UBP1: variants seen among roughly 807,000 people sequenced by gnomAD.
The protein encoded by UBP1 is upstream binding protein 1.
UBP1 carries 22 observed loss-of-function variants against 76.1 expected under a neutral mutation model. That is an observed-to-expected ratio of 0.29 (90% CI 0.21 to 0.41). The LOEUF (loss-of-function observed/expected upper bound fraction) is 0.41, where lower values mean the gene tolerates loss of function less well. Among genes scored for constraint, UBP1 ranks in the 10% least tolerant of loss-of-function variants. UBP1 has a pLI of 1.00. For synonymous variants in UBP1, 224 were observed against 237.1 expected, an observed-to-expected ratio of 0.94 and a Z score of 0.51; for missense variants, 436 against 668.1, an observed-to-expected ratio of 0.65 and a Z score of 3.83.
chr3:33,419,446 A>G lies in UBP1; in HGVS notation c.266-2612T>C, dbSNP rs905367198. ...AGTTTGAGACCAGCCTGGCCAACAC[A>G]GTGAAACCCCGTCTCTACTAAAAAT... On this transcript the variant is annotated intron_variant, in intron 2 of 15. Transcript: ENST00000283629. Among the ~76,000 whole-genome samples, 5 of 151,852 alleles carry G rather than the reference A, an allele frequency of 3.3e-5. No individual in the cohort carries two copies. In the East Asian group the frequency reaches 7.8e-4, roughly 24 times the overall value.
intron 1 of UBP1, among the ~76,000 whole-genome samples, chr3:33,437,640 A>G (rs940640630): frequency 6.6e-6 from 1 of 152,234 alleles, no homozygotes; most frequent in Non-Finnish European, 1.5e-5. Context: ...TAATTTCTTC[A>G]AGTTTACTTC....
chr3:33,392,489 G>T, intron 15 of UBP1, 74 bp downstream of exon 15: 1 of 1,249,144 alleles, frequency 8.0e-7, no homozygotes, highest in Non-Finnish European at 1.1e-6. Context: ...GAATAAACAC[G>T]AGAGGCACTA....
At chr3:33,439,688 C>A (rs1204696179) in intron 1 of UBP1, 48 bp downstream of exon 1, 1 of 1,593,490 alleles carries the variant, frequency 6.3e-7, no homozygotes, top group Non-Finnish European at 8.6e-7. Context: ...GCTGCGCAGG[C>A]CTTCCCCAAG....
chr3:33,431,853 T>G (rs377018372), intron 1 of UBP1, among the ~76,000 whole-genome samples: 4 of 152,078 alleles, frequency 2.6e-5, no homozygotes, highest in African/African-American at 9.7e-5. Context: ...GGAGGTGTCA[T>G]TAAGCTTTCT....
intron 7 of UBP1, 46 bp downstream of exon 7, chr3:33,409,190 T>C (rs749317321): frequency 4.4e-6 from 7 of 1,576,800 alleles, no homozygotes; most frequent in Non-Finnish European, 5.2e-6. Flanking sequence ...TAGACTAATA[T>C]GCAACCTTTG....
At chr3:33,412,919 T>A in intron 3 of UBP1, 92 bp from the exon 4 acceptor site, 1 of 799,282 alleles carries the variant, frequency 1.3e-6, no homozygotes, top group Non-Finnish European at 2.2e-6. Context: ...CCTGTAGCAG[T>A]AGAACACATA....
intron 1 of UBP1, among the ~76,000 whole-genome samples, chr3:33,432,093 C>T (rs2045123909): frequency 1.3e-5 from 2 of 151,982 alleles, no homozygotes; most frequent in Admixed American, 6.6e-5. Context: ...TTTGGGAGGC[C>T]GAGACAGGCG....
intron 1 of UBP1, among the ~76,000 whole-genome samples, chr3:33,434,718 C>G (rs1391702192): frequency 8.8e-6 from 1 of 114,008 alleles, no homozygotes; most frequent in Admixed American, 1.1e-4. Context: ...GATGGAGTCT[C>G]TCTCTGTCAC....
At chr3:33,411,276 C>T (rs780752650) in intron 5 of UBP1, among the ~76,000 whole-genome samples, 1 of 151,968 alleles carries the variant, frequency 6.6e-6, no homozygotes, top group African/African-American at 2.4e-5. Flanking sequence ...CAATCGTATC[C>T]TTTTAAATAG....
At chr3:33,405,754 CTG>C in intron 8 of UBP1, among the ~76,000 whole-genome samples, 1 of 152,272 alleles carries the variant, frequency 6.6e-6, no homozygotes, top group South Asian at 2.1e-4. Context: ...GGGCAAGACA[CTG>C]TCTCTAAAAA....
At chr3:33,419,352 G>A (rs2044821472) in intron 2 of UBP1, among the ~76,000 whole-genome samples, 1 of 152,082 alleles carries the variant, frequency 6.6e-6, no homozygotes, top group South Asian at 2.1e-4. Flanking sequence ...AAATTAGGCT[G>A]GGCGCAGTGG....
At chr3:33,401,604 G>A (rs2044230935) in intron 9 of UBP1, among the ~76,000 whole-genome samples, 1 of 152,180 alleles carries the variant, frequency 6.6e-6, no homozygotes, top group South Asian at 2.1e-4. Flanking sequence ...TGGCTCTTGA[G>A]CACCGACTCC....
chr3:33,418,088 G>A (rs953497952), intron 2 of UBP1, among the ~76,000 whole-genome samples: 4 of 151,926 alleles, frequency 2.6e-5, no homozygotes, highest in African/African-American at 9.7e-5. Flanking sequence ...ATTTAACAAT[G>A]GATCTATATT....
chr3:33,413,065 G>C (rs1208124588), intron 3 of UBP1, among the ~76,000 whole-genome samples: 2 of 152,110 alleles, frequency 1.3e-5, no homozygotes, highest in Admixed American at 6.5e-5. Flanking sequence ...CTTAGGTATT[G>C]ATTTTATAAA....
At chr3:33,396,438 C>T in intron 12 of UBP1, 158 bp from the exon 13 acceptor site, 1 of 525,516 alleles carries the variant, frequency 1.9e-6, no homozygotes, top group Non-Finnish European at 3.3e-6. Flanking sequence ...ATATAAAAAC[C>T]ACACACCTCA....
upstream of UBP1, chr3:33,441,369 A>C (rs1445679018): frequency 6.6e-6 from 1 of 152,316 alleles, no homozygotes. Flanking sequence ...TTCGCCCTGC[A>C]TCGAACTTAC....
chr3:33,398,607 T>C (rs2044100550), intron 11 of UBP1, among the ~76,000 whole-genome samples: 1 of 152,182 alleles, frequency 6.6e-6, no homozygotes, highest in Admixed American at 6.5e-5. Flanking sequence ...TCAGGAGATG[T>C]GCCCAAAGGG....
intron 11 of UBP1, 113 bp from the exon 12 acceptor site, chr3:33,397,248 A>G: frequency 1.5e-6 from 1 of 677,022 alleles, no homozygotes; most frequent in Non-Finnish European, 2.4e-6. Flanking sequence ...GATATCCTGA[A>G]TACACACATA....
At chr3:33,390,437 TC>T in intron 15 of UBP1, 69 bp from the exon 16 acceptor site, 6 of 1,557,158 alleles carry the variant, frequency 3.9e-6, no homozygotes, top group Non-Finnish European at 5.3e-6. Context: ...AATGGAAAAC[TC>T]CCTGCCAACT....
Sources: gnomAD v4.1 joint callset for allele counts (sites outside exome capture counted in the v4.1 genomes callset) on GRCh38, gnomAD v4.1.1 for gene constraint, MANE v1.5 for transcripts, NCBI Gene and HGNC (gene_info 2026-07-23, HGNC 2026-07-21) for gene names.